DKK3: variants seen among roughly 807,000 people sequenced by gnomAD.
DKK3 encodes dickkopf Wnt signaling pathway inhibitor 3.
Under a neutral mutation model 33.2 loss-of-function variants are expected in DKK3, and 22 were observed. The observed-to-expected ratio is 0.66, with a 90% confidence interval of 0.47 to 0.95. DKK3 has a LOEUF of 0.95. DKK3 is among the 40% of genes least tolerant of loss of function. The pLI is 0.00. For synonymous variants in DKK3, 194 were observed against 188.8 expected (o/e 1.03, Z -0.23); for missense variants, 398 against 458.4 (o/e 0.87, Z 1.20).
At chr11:11,993,098 T>G (rs937220164) in intron 3 of DKK3, among the ~76,000 whole-genome samples, 1 of 152,176 alleles carries the variant, frequency 6.6e-6, no homozygotes, top group African/African-American at 2.4e-5. Context: ...CCCTTTGACT[T>G]AGCAATTTAA....
chr11:11,980,374 G>A lies in DKK3; in HGVS notation c.436-11887C>T, dbSNP rs947915374. Among the ~76,000 whole-genome samples, 4 of 152,220 alleles carry A rather than the reference G, an allele frequency of 2.6e-5. No homozygotes were observed. In the East Asian group the frequency reaches 7.7e-4, roughly 29 times the overall value. ...ACTCTCACAGACTGACCAAGGTCAT[G>A]AGTTCCTGTAAGACTGTCACCCTGA... On this transcript the variant is annotated intron_variant, in intron 3 of 6. Transcript: ENST00000683431.
chr11:11,967,383 C>T (rs1847623230), intron 4 of DKK3, among the ~76,000 whole-genome samples: 1 of 152,200 alleles, frequency 6.6e-6, no homozygotes, highest in African/African-American at 2.4e-5. Context: ...TCTTTGTGGT[C>T]CCCACAGACT....
At chr11:11,998,267 T>G (rs1345830186) in intron 3 of DKK3, 1 of 242,726 alleles carries the variant, frequency 4.1e-6, no homozygotes, top group Non-Finnish European at 7.9e-6. Context: ...TTTTTCCCTT[T>G]AGGCCATTGG....
rs1005200094 is a variant in DKK3 at position 11,963,995 on chromosome 11, C to T, written c.*469G>A. On this transcript the variant is annotated 3_prime_UTR_variant, in exon 7 of 7. Coordinates refer to ENST00000683431, the MANE Select transcript of DKK3 (RefSeq NM_001018057.2). ...ATTTCATCTGCAACAGCTGAAGGCACAGCTTACCTATGCCCATGGAAAGAA... is the reference window on the plus strand; with the variant it reads ...ATTTCATCTGCAACAGCTGAAGGCATAGCTTACCTATGCCCATGGAAAGAA... The T allele has an allele frequency of 5.9e-6, 1 of 170,892 alleles. No homozygotes were observed. Among genetic ancestry groups the T allele is most frequent in the East Asian group, 1.6e-4 (1 of 6,144 alleles). The allele number at this position is 170,892 out of a possible 1,614,324, so 10.6% of individuals were successfully genotyped here.
chr11:11,997,595 G>T (rs1848324498), intron 3 of DKK3, among the ~76,000 whole-genome samples: 1 of 152,114 alleles, frequency 6.6e-6, no homozygotes. Context: ...TAGCTGGTAG[G>T]TGACAAAGTG....
intron 4 of DKK3, among the ~76,000 whole-genome samples, chr11:11,967,459 C>T (rs778613673): frequency 2.6e-5 from 4 of 152,174 alleles, no homozygotes; most frequent in Non-Finnish European, 5.9e-5. Context: ...CAATGATGAG[C>T]CGATTAAACT....
In DKK3 at chr11:11,964,687, C is replaced by G. The variant is rs758974264; in HGVS notation, c.831-1G>C. 2.1e-5 allele frequency: 34 copies of G among 1,612,712 alleles called. No individual in the cohort carries two copies. In the Admixed American group the frequency reaches 5.4e-4, roughly 25 times the overall value. Reference sequence around the variant, plus strand: ...CTTGCACACATACACCAGGCTGTGGCTGGGGAGAGATGGGACAAAGCCAGG... The same window carrying G: ...CTTGCACACATACACCAGGCTGTGGGTGGGGAGAGATGGGACAAAGCCAGG... On this transcript the variant is annotated splice_acceptor_variant, in intron 6 of 6. Coordinates refer to ENST00000683431, the MANE Select transcript of DKK3 (RefSeq NM_001018057.2). LOFTEE classifies it high-confidence loss of function.
Position 11,998,749 on chromosome 11 carries a change from A to G in DKK3, c.382T>C (p.Phe128Leu). Residue 128 changes from phenylalanine to leucine, a missense_variant, in exon 3 of 7, where the codon TTT (phenylalanine) becomes CTT (leucine). Physicochemically the swap from Phe to Leu is conservative, Grantham distance 22 (BLOSUM62 0). Coordinates refer to ENST00000683431, the MANE Select transcript of DKK3 (RefSeq NM_001018057.2). ...ACAGATGTGATAACTGTCTCTGAAA[A>G]GACCATTTGTCCAGTCTGGTTGTTG... ...ITNNQTGQMV[F>L]SETVITSVGD... The G allele has an allele frequency of 6.2e-7, 1 of 1,614,208 alleles. No homozygotes were observed.
intron 1 of DKK3, among the ~76,000 whole-genome samples, chr11:12,005,921 T>C (rs1313155216): frequency 6.6e-6 from 1 of 152,150 alleles, no homozygotes; most frequent in Non-Finnish European, 1.5e-5. Flanking sequence ...TTTTTAATGG[T>C]TTAAGATATT....
intron 1 of DKK3, among the ~76,000 whole-genome samples, chr11:12,004,198 G>A (rs754941390): frequency 1.3e-5 from 2 of 152,160 alleles, no homozygotes; most frequent in African/African-American, 4.8e-5. Flanking sequence ...TCATGGACCC[G>A]CTGAATTGGG....
At chr11:12,002,210 A>G (rs1163926833) in intron 2 of DKK3, 90 bp downstream of exon 2, 4 of 1,398,906 alleles carry the variant, frequency 2.9e-6, no homozygotes, top group East Asian at 4.7e-5. Flanking sequence ...GGGCTTGTAT[A>G]TCACATATGA....
At chr11:11,966,028 G>A in intron 5 of DKK3, 63 bp from the exon 6 acceptor site, 4 of 1,522,874 alleles carry the variant, frequency 2.6e-6, no homozygotes, top group Middle Eastern at 1.8e-4. Flanking sequence ...CCAAAGGGAG[G>A]GGCAAAGAAA....
At chr11:11,981,111 A>T (rs1307461561) in intron 3 of DKK3, among the ~76,000 whole-genome samples, 1 of 152,220 alleles carries the variant, frequency 6.6e-6, no homozygotes, top group East Asian at 1.9e-4. Flanking sequence ...CTTGGCTCTA[A>T]TGACTCACTT....
In DKK3 at chr11:11,990,658, T is replaced by A. The variant is rs1590536286; in HGVS notation, c.435+8038A>T. ...GCTCTCAAAGGCCTGCCTGATCTCA[T>A]CCCTGCCTCTCCCCCAGCTTTACTT... On this transcript the variant is annotated intron_variant, in intron 3 of 6. Coordinates refer to ENST00000683431, the MANE Select transcript of DKK3 (RefSeq NM_001018057.2). 2.0e-5 allele frequency among the ~76,000 whole-genome samples: 3 copies of A among 152,208 alleles called. No homozygotes were observed. In the South Asian group the frequency reaches 6.2e-4, roughly 31 times the overall value.
chr11:11,980,768 G>T (rs1346218283), intron 3 of DKK3, among the ~76,000 whole-genome samples: 2 of 152,146 alleles, frequency 1.3e-5, no homozygotes, highest in Non-Finnish European at 2.9e-5. Flanking sequence ...GGACCAACAG[G>T]TGGTTATAAG....
chr11:12,006,133 G>T (rs972582149), intron 1 of DKK3, among the ~76,000 whole-genome samples: 6 of 152,166 alleles, frequency 3.9e-5, no homozygotes, highest in African/African-American at 7.2e-5. Flanking sequence ...TCAGCGGATG[G>T]CCTGCCCTAG....
Position 12,008,419 on chromosome 11 carries a change from T to G in DKK3, c.164A>C (p.Glu55Ala), listed in dbSNP as rs776032895. ...ATLNEMFREV[E>A]ELMEDTQHKL... ...GTGCTGCGTGTCCTCCATCAGTTCC[T>G]CAACCTCGCGGAACATCTCATTGAG... Residue 55 changes from glutamate (E) to alanine (A), a missense_variant, in exon 1 of 7, where the codon GAG (glutamate) becomes GCG (alanine). Glu to Ala is a moderately radical substitution (Grantham distance 107, BLOSUM62 -1). Transcript: ENST00000683431. This position sits in a 1 kb window ranked among gnomAD's most constrained non-coding sequence, Gnocchi z 4.6. 1.2e-6 allele frequency: 2 copies of G among 1,610,802 alleles called. No homozygotes were observed. The highest frequency in any genetic ancestry group is 2.2e-5 in the South Asian group (2 of 90,860).
rs186530662 is a variant in DKK3 at position 12,006,864 on chromosome 11, G to C, written c.213+1506C>G. 2.0e-4 allele frequency among the ~76,000 whole-genome samples: 30 copies of C among 152,320 alleles called. No homozygotes were observed. The East Asian group carries it at 5.8e-3, about 29-fold the overall frequency. ...AGTCTTACCGGGAATCTGTGTGCAGGAGGGAAAGTCCTAGAACCTGGATAA... is the reference window on the plus strand; with the variant it reads ...AGTCTTACCGGGAATCTGTGTGCAGCAGGGAAAGTCCTAGAACCTGGATAA... On this transcript the variant is annotated intron_variant, in intron 1 of 6. Coordinates refer to ENST00000683431, the MANE Select transcript of DKK3 (RefSeq NM_001018057.2).
chr11:11,974,433 T>C (rs927389100), intron 3 of DKK3, among the ~76,000 whole-genome samples: 2 of 152,092 alleles, frequency 1.3e-5, no homozygotes, highest in African/African-American at 2.4e-5. Context: ...GGCTGGCAAG[T>C]CCAAGATTGA....
Sources: gnomAD v4.1 joint callset for allele counts (sites outside exome capture counted in the v4.1 genomes callset) on GRCh38, gnomAD v4.1.1 for gene constraint, Gnocchi (gnomAD v3.1) non-coding constraint, MANE v1.5 for transcripts, NCBI Gene and HGNC (gene_info 2026-07-23, HGNC 2026-07-21) for gene names.